Variants in ACSL1 observed in about 807,000 individuals in gnomAD.
The protein encoded by ACSL1 is acyl-CoA synthetase long chain family member 1.
In ACSL1, 41 loss-of-function variants were observed where a neutral mutation model predicts 98.4. The ratio of observed to expected loss-of-function variants is 0.42; its 90% CI spans 0.32 to 0.54. The LOEUF is 0.54. Among genes scored for constraint, ACSL1 ranks in the 20% least tolerant of loss-of-function variants. ACSL1 has a pLI of 0.13. For synonymous variants in ACSL1, 316 were observed against 322.7 expected (o/e 0.98, Z 0.22); for missense variants, 734 against 883.1 (o/e 0.83, Z 2.14).
intron 18 of ACSL1, chr4:184,758,652 AAAG>A (rs1291480613): frequency 2.6e-5 from 4 of 152,258 alleles, no homozygotes; most frequent in African/African-American, 9.6e-5. Context: ...TTAAAAATCA[AAAG>A]AATGAGAAGA....
chr4:184,796,166 C>T (rs1579928309), intron 2 of ACSL1, among the ~76,000 whole-genome samples: 2 of 152,176 alleles, frequency 1.3e-5, no homozygotes, highest in Non-Finnish European at 2.9e-5. Context: ...ACTAGACTGG[C>T]TTAGCCTCCC....
rs771278308 is a variant in ACSL1, at chr4:184,768,328, C to T, written c.1116G>A (p.Arg372=). The change falls in exon 12 of 21, where the codon CGG becomes CGA. Residue 372 remains arginine (R), a synonymous_variant. Transcript: ENST00000281455. ...VFPVVPRLLN[R]MFDRIFGQAN... ...GCTTGGAACTTACTCGGTCAAACAT[C>T]CGGTTCAGCAGTCTTGGAACCACGG... The T allele has an allele frequency of 5.0e-6, 8 of 1,611,742 alleles. No homozygotes were observed. The East Asian group carries it at 6.7e-5, about 13-fold the overall frequency.
intron 3 of ACSL1, among the ~76,000 whole-genome samples, chr4:184,785,742 G>C (rs1411928357): frequency 1.3e-5 from 2 of 152,074 alleles, no homozygotes; most frequent in African/African-American, 4.8e-5. Context: ...TTTCCAGGGG[G>C]AGCAAGCGAC....
chr4:184,769,548 A>T (rs1764177917), intron 11 of ACSL1, among the ~76,000 whole-genome samples: 1 of 152,206 alleles, frequency 6.6e-6, no homozygotes, highest in Admixed American at 6.5e-5. Context: ...ACAGCAACTC[A>T]TGTGAGATTG....
intron 1 of ACSL1, among the ~76,000 whole-genome samples, chr4:184,804,078 C>T (rs2150447105): frequency 6.6e-6 from 1 of 152,312 alleles, no homozygotes; most frequent in East Asian, 1.9e-4. Context: ...ACCTTCTGTA[C>T]TCCTCACACG....
chr4:184,825,385 C>T lies in ACSL1; in HGVS notation c.-33+531G>A. 4 of 364,276 alleles carry T rather than the reference C, an allele frequency of 1.1e-5. No homozygotes were observed. Among genetic ancestry groups the T allele is most frequent in the Non-Finnish European group, 1.5e-5 (4 of 262,232 alleles). The allele number at this position is 364,276 out of a possible 1,614,324, so 22.6% of individuals were successfully genotyped here. ...GAATGTCTGCCTCTGGCAGCGGCCT[C>T]TGAGCTGCCTGTGGGCCTCGTGCCG... On this transcript the variant is annotated intron_variant, in intron 1 of 20. Transcript: ENST00000281455. The surrounding 1 kb of genome is among the most constrained non-coding windows in gnomAD (Gnocchi z 4.7).
intron 10 of ACSL1, among the ~76,000 whole-genome samples, chr4:184,771,779 G>A (rs1764548999): frequency 6.6e-6 from 1 of 152,092 alleles, no homozygotes; most frequent in Non-Finnish European, 1.5e-5. Context: ...CTAAAGCTGG[G>A]TCACCCTTAA....
chr4:184,816,782 G>A (rs1187148806), intron 1 of ACSL1, among the ~76,000 whole-genome samples: 5 of 152,012 alleles, frequency 3.3e-5, no homozygotes, highest in South Asian at 4.2e-4. Flanking sequence ...AGGCCTCCAC[G>A]GCTCTATGGT....
intron 5 of ACSL1, among the ~76,000 whole-genome samples, chr4:184,777,744 G>A (rs1467119964): frequency 5.9e-5 from 9 of 152,130 alleles, no homozygotes; most frequent in African/African-American, 2.2e-4. Flanking sequence ...ATGCTACTGG[G>A]AGGGTGTAAC....
rs763848224 is a variant in ACSL1 at position 184,766,750 on chromosome 4, C to T, written c.1135G>A (p.Gly379Arg). 2.0e-5 allele frequency: 32 copies of T among 1,610,986 alleles called. No individual in the cohort carries two copies. The highest frequency in any genetic ancestry group is 1.1e-4 in the African/African-American group (8 of 74,968). ...CGCTTCAGCGTGGTGTTTGCTTGTC[C>T]GAAAATCTAATGAGGCAAGACATGA... The part of the protein sequence containing the change: ...LLNRMFDRIF[G>R]QANTTLKRWL... Residue 379 changes from glycine to arginine, a missense_variant, in exon 13 of 21, where the codon GGA becomes AGA. By Grantham distance (125) the Gly-to-Arg change is moderately radical. Transcript: ENST00000281455. The surrounding 1 kb of genome is among the most constrained non-coding windows in gnomAD (Gnocchi z 4.8).
rs576669349 is a variant in ACSL1, at chr4:184,756,664, G to C, written c.*461C>G. ...GTCCGCTTGTGAGATTCTCCAGCCA[G>C]GACAGTTGTTCTTATTTTTAAAGGG... On this transcript the variant is annotated 3_prime_UTR_variant, in exon 21 of 21. Transcript: ENST00000281455. The C allele has an allele frequency of 1.3e-5, 2 of 153,400 alleles. No homozygotes were observed. The highest frequency in any genetic ancestry group is 4.1e-4 in the South Asian group (2 of 4,858). 9.5% of individuals were successfully genotyped at this position (153,400 alleles called of 1,614,324 possible).
intron 16 of ACSL1, 122 bp downstream of exon 16, chr4:184,763,045 G>A: frequency 2.0e-6 from 2 of 981,238 alleles, no homozygotes; most frequent in Non-Finnish European, 3.0e-6. Context: ...CAGACTCCAG[G>A]ATCACCAATG....
intron 3 of ACSL1, among the ~76,000 whole-genome samples, chr4:184,785,619 GGGAA>G (rs1561209746): frequency 3.1e-5 from 1 of 32,024 alleles, no homozygotes; most frequent in Non-Finnish European, 7.9e-5. Context: ...GGGGGGGGGG[GGGAA>G]GGAAGCAAAT....
intron 2 of ACSL1, among the ~76,000 whole-genome samples, chr4:184,800,010 G>A (rs992415704): frequency 1.3e-5 from 2 of 152,066 alleles, no homozygotes; most frequent in Non-Finnish European, 2.9e-5. Flanking sequence ...TATAATGAAG[G>A]CAGCATAACA....
Position 184,766,666 on chromosome 4 carries a change from T to C in ACSL1, c.1219A>G (p.Arg407Gly). ...KEAELRSGII[R>G]NNSLWDRLIF... ...AGCCGGTCCCACAGGCTGTTGTTTC[T>C]GATGATGCCGCTGCGAAGCTCTGCT... The change falls in exon 13 of 21, where the codon AGA becomes GGA. Residue 407 changes from arginine to glycine, a missense_variant. Arg to Gly is a moderately radical substitution (Grantham distance 125). Coordinates refer to ENST00000281455, the MANE Select transcript of ACSL1 (RefSeq NM_001995.5). The surrounding 1 kb of genome is among the most constrained non-coding windows in gnomAD (Gnocchi z 4.8). The C allele has an allele frequency of 6.2e-7, 1 of 1,614,220 alleles. No homozygotes were observed. The highest frequency in any genetic ancestry group is 1.1e-5 in the South Asian group (1 of 91,088).
chr4:184,780,558 T>C (rs1158241337), intron 4 of ACSL1, 125 bp from the exon 5 acceptor site: 7 of 621,066 alleles, frequency 1.1e-5, no homozygotes, highest in South Asian at 1.9e-5. Flanking sequence ...AGAGGGAACA[T>C]GCAGGTATTC....
chr4:184,806,521 TG>T, intron 1 of ACSL1, among the ~76,000 whole-genome samples: 1 of 152,362 alleles, frequency 6.6e-6, no homozygotes, highest in Middle Eastern at 3.4e-3. Context: ...TTGCAGGTGC[TG>T]TTCAACAGGA....
rs1199110090 is a variant in ACSL1 at position 184,758,900 on chromosome 4, T to TC, written c.1783-981dup. The stretch of plus-strand genomic sequence containing the variant: ...TCTCCTAATGCTATCCCTCCCTCCC[T>TC]CCCCCCACCCCACAACAGGCCCTCG... On this transcript the variant is annotated intron_variant, in intron 18 of 20. Transcript: ENST00000281455. 3 of 79,864 alleles carry TC rather than the reference T, an allele frequency of 3.8e-5. No individual in the cohort carries two copies. The Admixed American group carries it at 5.1e-4, about 14-fold the overall frequency. The allele number at this position is 79,864 out of a possible 1,614,324, so 4.9% of individuals were successfully genotyped here.
chr4:184,773,853 C>T lies in ACSL1; in HGVS notation c.779G>A (p.Arg260Gln), dbSNP rs764804256. Residue 260 changes from arginine (R) to glutamine (Q), a missense_variant, in exon 8 of 21, where the codon CGG becomes CAG. Transcript: ENST00000281455. The surrounding 1 kb of genome is among the most constrained non-coding windows in gnomAD (Gnocchi z 4.3). ...ACACGGTGTGCTTACCTTGGGCTTC[C>T]GTCTGTTGGCTCTTCCCAGGTCCTT... ...AMEDLGRANR[R>Q]KPKPPAPEDL... The T allele has an allele frequency of 1.6e-5, 26 of 1,613,752 alleles. No homozygotes were observed. In the East Asian group the frequency reaches 3.3e-4, roughly 21 times the overall value.
Sources: gnomAD v4.1 joint callset for allele counts (sites outside exome capture counted in the v4.1 genomes callset) on GRCh38, gnomAD v4.1.1 for gene constraint, Gnocchi (gnomAD v3.1) non-coding constraint, MANE v1.5 for transcripts, NCBI Gene and HGNC (gene_info 2026-07-23, HGNC 2026-07-21) for gene names.